ATP8B4: variants seen among roughly 807,000 people sequenced by gnomAD.
ATP8B4 encodes the protein probable phospholipid-transporting ATPase IM.
A neutral mutation model predicts 145.6 loss-of-function variants in ATP8B4; 133 were observed. The ratio of observed to expected loss-of-function variants is 0.91; its 90% CI spans 0.79 to 1.05. The LOEUF (loss-of-function observed/expected upper bound fraction) is 1.05, where lower values mean the gene tolerates loss of function less well. ATP8B4 is among the 50% of genes least tolerant of loss of function. The pLI is 0.00. For missense variants in ATP8B4, 1,458 were observed against 1,425.2 expected, an observed-to-expected ratio of 1.02 and a Z score of -0.37; for synonymous variants, 507 against 492.9, an observed-to-expected ratio of 1.03 and a Z score of -0.38.
intron 1 of ATP8B4, chr15:50,113,346 G>T (rs1463145638): frequency 6.6e-6 from 1 of 152,266 alleles, no homozygotes; most frequent in Non-Finnish European, 1.5e-5. Flanking sequence ...AACAAGCCCA[G>T]GCTTCTGTCC....
At position 49,987,160 on chromosome 15, in the gene ATP8B4, C is replaced by A. The variant is rs537715491; in HGVS notation, c.748+231G>T. ...ACCCACTGTCTAGTTAAAGCTCCAG[C>A]ATCCTTAAGAATAAGATGTCAGTAG... On this transcript the variant is annotated intron_variant, in intron 10 of 27. Transcript: ENST00000284509. Among the ~76,000 whole-genome samples the A allele has an allele frequency of 2.0e-5, 3 of 152,298 alleles. No homozygotes were observed. In the South Asian group the frequency reaches 6.2e-4, roughly 32 times the overall value.
intron 13 of ATP8B4, among the ~76,000 whole-genome samples, chr15:49,969,334 G>C (rs1194086008): frequency 1.3e-5 from 2 of 152,064 alleles, no homozygotes; most frequent in Non-Finnish European, 2.9e-5. Flanking sequence ...ATGAGTCCAG[G>C]AGCTGGTTTT....
At chr15:50,151,483 A>G (rs1284326764) in intron 1 of ATP8B4, among the ~76,000 whole-genome samples, 1 of 152,178 alleles carries the variant, frequency 6.6e-6, no homozygotes, top group Non-Finnish European at 1.5e-5. Flanking sequence ...CAAATATGAT[A>G]TTTTGGTCAA....
chr15:50,032,064 T>A (rs1284384760), intron 6 of ATP8B4, among the ~76,000 whole-genome samples: 1 of 152,224 alleles, frequency 6.6e-6, no homozygotes, highest in Non-Finnish European at 1.5e-5. Context: ...CTGGGATACG[T>A]GTGCAGGTTT....
chr15:49,895,992 G>A (rs2037354466), intron 23 of ATP8B4: 1 of 152,150 alleles, frequency 6.6e-6, no homozygotes, highest in Admixed American at 6.5e-5. Context: ...GTTAGCAGAT[G>A]GTCTTGCTTT....
At chr15:49,965,815 T>TG (rs1393830370) in intron 13 of ATP8B4, among the ~76,000 whole-genome samples, 1 of 152,020 alleles carries the variant, frequency 6.6e-6, no homozygotes, top group African/African-American at 2.4e-5. Flanking sequence ...ATCACACAGC[T>TG]GGGGGGACCT....
At chr15:49,878,846 A>AAGTCTCACTGCAGATGTTCGCAACAAGGG (rs2034925271) in intron 24 of ATP8B4, among the ~76,000 whole-genome samples, 1 of 152,134 alleles carries the variant, frequency 6.6e-6, no homozygotes, top group East Asian at 1.9e-4. Context: ...TGTAACAAGG[A>AAGTCTCACTGCAGATGTTCGCAACAAGGG]AGTCTCACTG....
intron 27 of ATP8B4, 139 bp from the exon 28 acceptor site, chr15:49,860,614 A>C: frequency 1.9e-6 from 2 of 1,063,156 alleles, no homozygotes; most frequent in Non-Finnish European, 2.6e-6. Flanking sequence ...TCTAAAAACT[A>C]AGAAATTTTC....
At chr15:50,164,457 G>A (rs1285194989) in intron 1 of ATP8B4, among the ~76,000 whole-genome samples, 1 of 152,102 alleles carries the variant, frequency 6.6e-6, no homozygotes, top group African/African-American at 2.4e-5. Context: ...GGGGACCTCA[G>A]GTCCCTGCCT....
At chr15:50,088,371 C>CA (rs890744627) in intron 2 of ATP8B4, among the ~76,000 whole-genome samples, 6 of 150,992 alleles carry the variant, frequency 4.0e-5, no homozygotes, top group African/African-American at 1.2e-4. Flanking sequence ...AACAAACAAA[C>CA]AAAAAAACCC....
At chr15:49,867,098 T>C (rs1296602062) in intron 25 of ATP8B4, among the ~76,000 whole-genome samples, 1 of 152,228 alleles carries the variant, frequency 6.6e-6, no homozygotes, top group Non-Finnish European at 1.5e-5. Context: ...TAGTAACTTG[T>C]TGCGGCAGCT....
intron 1 of ATP8B4, among the ~76,000 whole-genome samples, chr15:50,163,857 C>A (rs1048399317): frequency 1.9e-4 from 29 of 152,116 alleles, no homozygotes; most frequent in African/African-American, 6.5e-4. Context: ...CAAAGTCCTT[C>A]CCCTTCTTCC....
intron 14 of ATP8B4, among the ~76,000 whole-genome samples, chr15:49,949,909 T>C (rs2042915674): frequency 6.6e-6 from 1 of 152,204 alleles, no homozygotes; most frequent in South Asian, 2.1e-4. Flanking sequence ...CTGCATCTAT[T>C]GAGAAAATCA....
intron 6 of ATP8B4, among the ~76,000 whole-genome samples, chr15:50,013,194 A>T (rs907655409): frequency 6.6e-6 from 1 of 152,146 alleles, no homozygotes; most frequent in African/African-American, 2.4e-5. Flanking sequence ...TTTAGCTTGT[A>T]TGGTGATTGG....
chr15:50,080,982 G>A (rs865938708), intron 2 of ATP8B4, among the ~76,000 whole-genome samples: 10 of 152,006 alleles, frequency 6.6e-5, no homozygotes, highest in Admixed American at 2.6e-4. Flanking sequence ...GCGTGGTGGC[G>A]GGCACCTCTA....
intron 13 of ATP8B4, among the ~76,000 whole-genome samples, chr15:49,967,410 T>C (rs780077127): frequency 3.3e-5 from 5 of 152,020 alleles, no homozygotes; most frequent in African/African-American, 4.8e-5. Flanking sequence ...GAATAACCAG[T>C]TGGGAGAAGA....
rs148516082 is a variant in ATP8B4, at chr15:49,972,685, A to G, written c.1140T>C (p.Asn380=). 83 of 1,613,986 alleles carry G rather than the reference A, an allele frequency of 5.1e-5. No homozygotes were observed. The African/African-American group carries it at 8.8e-4, about 17-fold the overall frequency. ...TGTACTCAATCTGCCCCAGTTCCTC[A>G]TTGAGCGTGGTCGTTCGAGCCACTG... ...IPAVARTTTL[N]EELGQIEYIF... The change falls in exon 13 of 28, where the codon AAT becomes AAC. Residue 380 remains asparagine (N), a synonymous_variant. Coordinates refer to ENST00000284509, the MANE Select transcript of ATP8B4 (RefSeq NM_024837.4).
chr15:49,950,613 AACAAAC>A (rs1465327075), intron 14 of ATP8B4, among the ~76,000 whole-genome samples: 5,157 of 75,508 alleles, frequency 0.068, 333 homozygotes, highest in African/African-American at 0.18. Context: ...CAAACAAACA[AACAAAC>A]AAAAAAAACA....
At chr15:49,930,083 G>A (rs2041114289) in intron 16 of ATP8B4, among the ~76,000 whole-genome samples, 1 of 152,066 alleles carries the variant, frequency 6.6e-6, no homozygotes, top group Admixed American at 6.6e-5. Flanking sequence ...GTTGTGGGCT[G>A]AAGGAAGGAG....
Sources: gnomAD v4.1 joint callset for allele counts (sites outside exome capture counted in the v4.1 genomes callset) on GRCh38, gnomAD v4.1.1 for gene constraint, MANE v1.5 for transcripts, NCBI Gene and HGNC (gene_info 2026-07-23, HGNC 2026-07-21) for gene names.